The following RALYL variants were observed in gnomAD, a reference collection of about 807,000 sequenced individuals.
RALYL encodes RNA-binding Raly-like protein.
A neutral mutation model predicts 35.1 loss-of-function variants in RALYL; 29 were observed. The observed-to-expected ratio is 0.83, with a 90% CI of 0.61 to 1.13. The LOEUF (loss-of-function observed/expected upper bound fraction) is 1.13, where lower values mean the gene tolerates loss of function less well. Ranked by LOEUF, RALYL falls within the 50% of genes most tolerant of loss-of-function variation. The pLI, the probability that RALYL is intolerant of heterozygous loss-of-function variation, is 0.00. For synonymous variants in RALYL, 120 were observed against 127.6 expected, an observed-to-expected ratio of 0.94 and a Z score of 0.40; for missense variants, 359 against 360.4, an observed-to-expected ratio of 1.00 and a Z score of 0.03.
chr8:84,406,710 A>C (rs2043534624), intron 1 of RALYL, among the ~76,000 whole-genome samples: 1 of 152,152 alleles, frequency 6.6e-6, no homozygotes, highest in East Asian at 1.9e-4. Flanking sequence ...CATGGGCCCT[A>C]GGAGTCTAAG....
intron 1 of RALYL, among the ~76,000 whole-genome samples, chr8:84,469,873 C>T (rs1248505095): frequency 2.0e-5 from 3 of 152,308 alleles, no homozygotes; most frequent in Admixed American, 2.0e-4. Context: ...CGGAAAAGCG[C>T]AGTATTCGGG....
chr8:84,634,872 T>C (rs1824701433), intron 2 of RALYL, among the ~76,000 whole-genome samples: 1 of 151,758 alleles, frequency 6.6e-6, no homozygotes, highest in South Asian at 2.1e-4. Flanking sequence ...AATGATAAAC[T>C]GCTATGTTCC....
At chr8:84,595,012 T>A (rs1814155251) in intron 2 of RALYL, among the ~76,000 whole-genome samples, 1 of 152,040 alleles carries the variant, frequency 6.6e-6, no homozygotes, top group Non-Finnish European at 1.5e-5. Flanking sequence ...TTGTGATATA[T>A]AACCACCCAC....
At chr8:84,884,948 AG>A (rs1000558329) in intron 7 of RALYL, among the ~76,000 whole-genome samples, 35 of 152,206 alleles carry the variant, frequency 2.3e-4, no homozygotes, top group African/African-American at 8.4e-4. Context: ...TAGGAGGAAG[AG>A]TGGGGGGCCA....
At chr8:84,570,928 A>C (rs1251898903) in intron 2 of RALYL, among the ~76,000 whole-genome samples, 1 of 151,878 alleles carries the variant, frequency 6.6e-6, no homozygotes, top group Non-Finnish European at 1.5e-5. Flanking sequence ...CATGGAATAA[A>C]ACCCACTTGA....
At chr8:84,813,743 G>GTGTT (rs1233812421) in intron 4 of RALYL, among the ~76,000 whole-genome samples, 1 of 152,152 alleles carries the variant, frequency 6.6e-6, no homozygotes, top group Non-Finnish European at 1.5e-5. Flanking sequence ...CAAGCTAGAT[G>GTGTT]TGTTAGTTTA....
chr8:84,423,991 T>G (rs1162711044), intron 1 of RALYL, among the ~76,000 whole-genome samples: 1 of 151,812 alleles, frequency 6.6e-6, no homozygotes, highest in African/African-American at 2.4e-5. Flanking sequence ...CATTTTTTCC[T>G]TCATTTCAAC....
chr8:84,358,347 G>A (rs1489225192), intron 1 of RALYL, among the ~76,000 whole-genome samples: 1 of 151,912 alleles, frequency 6.6e-6, no homozygotes, highest in Non-Finnish European at 1.5e-5. Flanking sequence ...GGAATTTAGA[G>A]AGTTCCCCAG....
In RALYL at chr8:84,702,520, GTCTC is replaced by G. The variant is rs141253736; in HGVS notation, c.257-72042_257-72039del. 3.6e-3 allele frequency among the ~76,000 whole-genome samples: 516 copies of G among 141,850 alleles called. 5 individuals are homozygous for G. The highest frequency in any genetic ancestry group is 0.012 in the African/African-American group (483 of 38,658). The allele number at this position is 141,850 out of a possible 152,430, so 93.1% of individuals were successfully genotyped here. A position where few individuals can be genotyped will look rare whatever the true frequency, so the allele number is the denominator to read the frequency against. ...TATTTAGCATAGGGCTAGTTGCATA[GTCTC>G]TCTCTCTCTCTCTCTCACACACACA... On this transcript the variant is annotated intron_variant, in intron 2 of 8. Coordinates refer to ENST00000521268, the MANE Select transcript of RALYL (RefSeq NM_173848.7).
intron 2 of RALYL, among the ~76,000 whole-genome samples, chr8:84,620,074 G>A (rs1820950175): frequency 6.6e-6 from 1 of 151,902 alleles, no homozygotes; most frequent in Admixed American, 6.6e-5. Flanking sequence ...TATGTGTCTT[G>A]GAGTTGCTCT....
intron 2 of RALYL, among the ~76,000 whole-genome samples, chr8:84,652,270 A>G (rs867514714): frequency 1.3e-5 from 2 of 152,116 alleles, no homozygotes; most frequent in African/African-American, 2.4e-5. Flanking sequence ...TTATCTCTCT[A>G]TTATAAGGTT....
chr8:84,427,938 C>A (rs16912815), intron 1 of RALYL, among the ~76,000 whole-genome samples: 4,522 of 152,234 alleles, frequency 0.03, 215 homozygotes, highest in African/African-American at 0.1. Context: ...AGGAGGCATT[C>A]AATTCATTAT....
intron 6 of RALYL, chr8:84,864,921 A>G: frequency 3.2e-6 from 1 of 315,260 alleles, no homozygotes; most frequent in South Asian, 5.1e-5. Context: ...TTATAGAAAG[A>G]CAACAGACTG....
At chr8:84,205,644 T>A (rs1384039978) in intron 1 of RALYL, among the ~76,000 whole-genome samples, 1 of 152,214 alleles carries the variant, frequency 6.6e-6, no homozygotes, top group Non-Finnish European at 1.5e-5. Context: ...TAGTTATCAA[T>A]AAAGAGCACA....
chr8:84,425,759 A>G (rs1359577148), intron 1 of RALYL, among the ~76,000 whole-genome samples: 2 of 150,550 alleles, frequency 1.3e-5, no homozygotes, highest in African/African-American at 2.5e-5. Context: ...TGCAGCATCA[A>G]TTTTTAGAAA....
intron 3 of RALYL, among the ~76,000 whole-genome samples, chr8:84,787,823 T>C (rs1819894935): frequency 6.6e-6 from 1 of 152,244 alleles, no homozygotes; most frequent in African/African-American, 2.4e-5. Flanking sequence ...ATGTCTTCTT[T>C]TGAGAAGTGT....
intron 2 of RALYL, among the ~76,000 whole-genome samples, chr8:84,608,948 TG>T (rs1564228295): frequency 3.3e-5 from 5 of 152,126 alleles, no homozygotes; most frequent in Admixed American, 1.3e-4. Context: ...TTTTCTTTTT[TG>T]TAAATGTGGA....
intron 2 of RALYL, among the ~76,000 whole-genome samples, chr8:84,648,963 C>A (rs1251184578): frequency 2.0e-5 from 3 of 151,838 alleles, no homozygotes. Flanking sequence ...TATCTATCAT[C>A]CCTTTAAGCA....
chr8:84,271,783 A>C (rs958891052), intron 1 of RALYL, among the ~76,000 whole-genome samples: 1 of 152,152 alleles, frequency 6.6e-6, no homozygotes, highest in Non-Finnish European at 1.5e-5. Flanking sequence ...AAGTTTTAGA[A>C]AAGGCAAAGC....
Sources: allele counts gnomAD v4.1 joint callset (sites outside exome capture counted in the v4.1 genomes callset), GRCh38; gene constraint gnomAD v4.1.1; transcripts MANE v1.5; gene names NCBI Gene and HGNC (gene_info 2026-07-23, HGNC 2026-07-21).